LIPJ: variants seen among roughly 807,000 people sequenced by gnomAD.
LIPJ encodes the protein lipase family member J.
Under a neutral mutation model 39.8 loss-of-function variants are expected in LIPJ, and 33 were observed. The ratio of observed to expected loss-of-function variants is 0.83; its 90% CI spans 0.63 to 1.11. The LOEUF (loss-of-function observed/expected upper bound fraction) is 1.11, where lower values mean the gene tolerates loss of function less well. LIPJ is among the 50% of genes least tolerant of loss of function. The pLI, the probability that LIPJ is intolerant of heterozygous loss-of-function variation, is 0.00. For synonymous variants in LIPJ, 128 were observed against 139.2 expected, an observed-to-expected ratio of 0.92 and a Z score of 0.57; for missense variants, 422 against 427.9, an observed-to-expected ratio of 0.99 and a Z score of 0.12.
At chr10:88,583,144 CACA>C, upstream of LIPJ, 2 of 1,614,092 alleles carry the variant, frequency 1.2e-6, no homozygotes, top group Non-Finnish European at 1.7e-6. Context: ...CAGCGCAGCG[CACA>C]AGCTTCCTGT....
the LIPJ span, among the ~76,000 whole-genome samples, chr10:88,615,253 T>C: frequency 9.9e-5 from 15 of 152,040 alleles, no homozygotes; most frequent in African/African-American, 3.4e-4. Context: ...ACAAGCAAAT[T>C]TAGAAATGAG....
At chr10:88,607,643 T>C (rs1405902479), downstream of LIPJ, among the ~76,000 whole-genome samples, 1 of 152,154 alleles carries the variant, frequency 6.6e-6, no homozygotes, top group Non-Finnish European at 1.5e-5. Context: ...TGTGTAGATA[T>C]ATTCAAGAGA....
At chr10:88,583,149 GCTTCCTGT>G, upstream of LIPJ, 2 of 1,614,044 alleles carry the variant, frequency 1.2e-6, no homozygotes, top group Non-Finnish European at 1.7e-6. Flanking sequence ...CAGCGCACAA[GCTTCCTGT>G]CATCCCGGCG....
At chr10:88,598,824 G>C (rs1851347497) in intron 8 of LIPJ, among the ~76,000 whole-genome samples, 1 of 151,282 alleles carries the variant, frequency 6.6e-6, no homozygotes. Flanking sequence ...CATTATATTG[G>C]AGCTTATTTC....
At chr10:88,606,848 T>C in exon 11 of LIPJ, 3 of 1,604,694 alleles carry the variant, frequency 1.9e-6, no homozygotes, top group Non-Finnish European at 2.6e-6. Flanking sequence ...TTTGTTTGGA[T>C]TAGATGTCTA....
chr10:88,589,341 A>G (rs1303961829), intron 2 of LIPJ, among the ~76,000 whole-genome samples: 1 of 151,894 alleles, frequency 6.6e-6, no homozygotes, highest in Non-Finnish European at 1.5e-5. Flanking sequence ...AATACAACCA[A>G]AGAGGAATAT....
At chr10:88,615,873 A>G in the LIPJ span, among the ~76,000 whole-genome samples, 1 of 152,208 alleles carries the variant, frequency 6.6e-6, no homozygotes, top group African/African-American at 2.4e-5. Flanking sequence ...TCAGAGCAAC[A>G]TTATTCACAA....
chr10:88,600,934 ATT>A (rs1648315536), intron 8 of LIPJ, among the ~76,000 whole-genome samples: 1 of 151,878 alleles, frequency 6.6e-6, no homozygotes. Flanking sequence ...TCACCCTTTT[ATT>A]TTATCTTATT....
chr10:88,612,590 A>G, the LIPJ span, among the ~76,000 whole-genome samples: 1 of 152,200 alleles, frequency 6.6e-6, no homozygotes, highest in Non-Finnish European at 1.5e-5. Flanking sequence ...TAGGATTTTT[A>G]TGTCAGACAA....
chr10:88,615,638 A>AAC, the LIPJ span, among the ~76,000 whole-genome samples: 1 of 149,908 alleles, frequency 6.7e-6, no homozygotes, highest in Non-Finnish European at 1.5e-5. Flanking sequence ...AAAAAAAAAA[A>AAC]AAAAAAAAAA....
chr10:88,586,072 T>A (rs1356622980), upstream of LIPJ, among the ~76,000 whole-genome samples: 1 of 152,210 alleles, frequency 6.6e-6, no homozygotes, highest in African/African-American at 2.4e-5. Context: ...TACAGCATCG[T>A]TTTTGCTTGC....
chr10:88,594,245 T>C (rs970807863), intron 5 of LIPJ, 101 bp downstream of exon 5: 1 of 840,262 alleles, frequency 1.2e-6, no homozygotes, highest in African/African-American at 1.7e-5. Context: ...TTTCACAATT[T>C]AGGACTTTCC....
intron 9 of LIPJ, 144 bp from the exon 10 acceptor site, chr10:88,605,489 A>G: frequency 1.5e-6 from 1 of 664,690 alleles, no homozygotes; most frequent in Non-Finnish European, 2.7e-6. Context: ...CCCTATCCAA[A>G]GGAAAAGAAG....
At chr10:88,602,455 AAT>A in intron 8 of LIPJ, 119 bp from the exon 9 acceptor site, 2 of 556,672 alleles carry the variant, frequency 3.6e-6, no homozygotes, top group Non-Finnish European at 5.9e-6. Context: ...TTTGTTTATT[AAT>A]ATGATTAATT....
the LIPJ span, among the ~76,000 whole-genome samples, chr10:88,622,999 T>C: frequency 6.6e-6 from 1 of 152,166 alleles, no homozygotes; most frequent in Non-Finnish European, 1.5e-5. Flanking sequence ...AATATTGAGA[T>C]AATATCAACA....
At chr10:88,607,587 C>T (rs1851699488), downstream of LIPJ, among the ~76,000 whole-genome samples, 1 of 152,118 alleles carries the variant, frequency 6.6e-6, no homozygotes, top group African/African-American at 2.4e-5. Context: ...ACATTATGCA[C>T]TGTCGCTTGG....
At chr10:88,619,453 C>CCACACACACACACACACA in the LIPJ span, among the ~76,000 whole-genome samples, 1,104 of 147,008 alleles carry the variant, frequency 7.5e-3, 24 homozygotes, top group Middle Eastern at 0.017. Flanking sequence ...CCCCCTCTTG[C>CCACACACACACACACACA]CACACACACA....
At chr10:88,599,696 C>T (rs917045312) in intron 8 of LIPJ, among the ~76,000 whole-genome samples, 9 of 151,556 alleles carry the variant, frequency 5.9e-5, no homozygotes, top group East Asian at 5.8e-4. Flanking sequence ...TATACACACA[C>T]ACACACACAC....
chr10:88,608,504 C>A (rs926626099), downstream of LIPJ, among the ~76,000 whole-genome samples: 1 of 152,204 alleles, frequency 6.6e-6, no homozygotes. Context: ...TTCCTGAATA[C>A]TGCATAACTT....
Sources: allele counts gnomAD v4.1 joint callset (sites outside exome capture counted in the v4.1 genomes callset), GRCh38; gene constraint gnomAD v4.1.1; transcripts MANE v1.5; gene names NCBI Gene and HGNC (gene_info 2026-07-23, HGNC 2026-07-21).